Variants in NUSAP1 observed in about 807,000 individuals in gnomAD.
NUSAP1 encodes the protein nucleolar and spindle-associated protein 1.
A neutral mutation model predicts 52.8 loss-of-function variants in NUSAP1; 32 were observed. The ratio of observed to expected loss-of-function variants is 0.61; its 90% CI spans 0.46 to 0.81. NUSAP1 has a LOEUF of 0.81. NUSAP1 is among the 40% of genes least tolerant of loss of function. The probability of loss-of-function intolerance (pLI) is 0.00; values close to 1 mark genes in which losing one functional copy is unlikely to be tolerated. For missense variants in NUSAP1, 499 were observed against 522.3 expected (o/e 0.96, Z 0.43); for synonymous variants, 195 against 183.1 (o/e 1.06, Z -0.52).
chr15:41,354,670 G>GATATAT (rs10541882), intron 4 of NUSAP1, among the ~76,000 whole-genome samples: 2,770 of 146,050 alleles, frequency 0.019, 39 homozygotes, highest in Middle Eastern at 0.051. Flanking sequence ...TGTTTTAACC[G>GATATAT]ATATATATAT....
At chr15:41,358,319 A>G in intron 6 of NUSAP1, 61 bp downstream of exon 6, 3 of 775,390 alleles carry the variant, frequency 3.9e-6, no homozygotes, top group Non-Finnish European at 6.5e-6. Context: ...TTTTGAAACT[A>G]TATAACACCG....
intron 10 of NUSAP1, among the ~76,000 whole-genome samples, chr15:41,378,692 C>A (rs1203383370): frequency 6.6e-6 from 1 of 151,994 alleles, no homozygotes; most frequent in Non-Finnish European, 1.5e-5. Flanking sequence ...ATCACTTGAA[C>A]CCGGGAGGCG....
chr15:41,338,286 T>A (rs1467359497), intron 1 of NUSAP1, among the ~76,000 whole-genome samples: 2 of 151,984 alleles, frequency 1.3e-5, no homozygotes, highest in South Asian at 4.1e-4. Context: ...CAAACCCACA[T>A]CTCCAGTAGG....
rs1309743385 is a variant in NUSAP1 at position 41,349,214 on chromosome 15, G to C, written c.279G>C (p.Lys93Asn). The change falls in exon 3 of 11, where the codon AAG becomes AAC. Residue 93 changes from lysine (K) to asparagine (N), a missense_variant. Physicochemically the swap from Lys to Asn is moderately conservative, Grantham distance 94. Coordinates refer to ENST00000559596, the MANE Select transcript of NUSAP1 (RefSeq NM_016359.5). ...GHVTKTRRRC[K>N]TVRVDPDSQQ... ...TCACCAAAACAAGGAGAAGGTGCAA[G>C]ACTGTCCGTGTGGACCCTGACTCAC... 1 of 1,613,824 alleles carries C rather than the reference G, an allele frequency of 6.2e-7. No individual in the cohort carries two copies. Among genetic ancestry groups the C allele is most frequent in the Admixed American group, 1.7e-5 (1 of 59,992 alleles).
intron 1 of NUSAP1, among the ~76,000 whole-genome samples, chr15:41,337,636 A>T (rs1468609480): frequency 1.3e-5 from 2 of 152,128 alleles, no homozygotes; most frequent in Non-Finnish European, 2.9e-5. Flanking sequence ...TTGCTTTATT[A>T]AGGTCGCCAT....
chr15:41,370,990 T>G (rs918415491), intron 7 of NUSAP1, among the ~76,000 whole-genome samples: 35 of 152,196 alleles, frequency 2.3e-4, no homozygotes, highest in Non-Finnish European at 5.0e-4. Flanking sequence ...ATTTCAGAGA[T>G]GTTAAAATGT....
chr15:41,371,020 A>T (rs1211598042), intron 7 of NUSAP1, among the ~76,000 whole-genome samples: 1 of 152,238 alleles, frequency 6.6e-6, no homozygotes, highest in African/African-American at 2.4e-5. Context: ...ACTATCAGTC[A>T]ATCAATCAAA....
At chr15:41,371,237 G>A (rs2049675103) in intron 7 of NUSAP1, among the ~76,000 whole-genome samples, 1 of 152,126 alleles carries the variant, frequency 6.6e-6, no homozygotes, top group Non-Finnish European at 1.5e-5. Flanking sequence ...TTGCCTCTTG[G>A]ACTATAATGA....
chr15:41,353,566 G>A (rs896485446), intron 4 of NUSAP1, among the ~76,000 whole-genome samples: 1 of 152,108 alleles, frequency 6.6e-6, no homozygotes, highest in African/African-American at 2.4e-5. Context: ...ATACATTGGG[G>A]AAACTTAAGG....
intron 1 of NUSAP1, among the ~76,000 whole-genome samples, chr15:41,341,507 C>T (rs1380063506): frequency 1.3e-5 from 2 of 152,154 alleles, no homozygotes; most frequent in East Asian, 1.9e-4. Flanking sequence ...AACCATCCCC[C>T]TAAGACCCCG....
chr15:41,338,046 C>T (rs1395759129), intron 1 of NUSAP1, among the ~76,000 whole-genome samples: 3 of 150,910 alleles, frequency 2.0e-5, no homozygotes, highest in Admixed American at 6.6e-5. Context: ...GATTCTCCTG[C>T]CTCAGCCACC....
In NUSAP1 at chr15:41,376,755, G is replaced by T. The variant is rs968615150; in HGVS notation, c.1124-441G>T. Among the ~76,000 whole-genome samples the T allele has an allele frequency of 3.3e-5, 5 of 150,556 alleles. No homozygotes were observed. The East Asian group carries it at 9.8e-4, about 30-fold the overall frequency. ...AAAAAAAGCAACACATAAACTTCAA[G>T]AAATTTGGTCCCAGTTCTTTTTGTA... On this transcript the variant is annotated intron_variant, in intron 9 of 10. Coordinates refer to ENST00000559596, the MANE Select transcript of NUSAP1 (RefSeq NM_016359.5).
chr15:41,349,341 T>G, intron 3 of NUSAP1, 100 bp downstream of exon 3: 1 of 1,219,510 alleles, frequency 8.2e-7, no homozygotes, highest in Non-Finnish European at 1.2e-6. Flanking sequence ...GTCATGTGTT[T>G]GTAAGGTTAC....
rs1177514558 is a variant in NUSAP1, at chr15:41,349,338, G to A, written c.306+97G>A. Reference sequence around the variant, plus strand: ...TTTAAATTCCCATGTGATGTCATGTGTTTGTAAGGTTACTGTGTGCTGTAA... The same window carrying A: ...TTTAAATTCCCATGTGATGTCATGTATTTGTAAGGTTACTGTGTGCTGTAA... On this transcript the variant is annotated intron_variant, in intron 3 of 10. Transcript: ENST00000559596. The A allele has an allele frequency of 4.9e-6, 6 of 1,218,502 alleles. No homozygotes were observed. The East Asian group carries it at 1.5e-4, about 30-fold the overall frequency. The allele number at this position is 1,218,502 out of a possible 1,614,324, so 75.5% of individuals were successfully genotyped here. A position where few individuals can be genotyped will look rare whatever the true frequency, so the allele number is the denominator to read the frequency against.
At position 41,349,253 on chromosome 15, in the gene NUSAP1, T is replaced by C; in HGVS notation, c.306+12T>C. On this transcript the variant is annotated intron_variant, in intron 3 of 10. Transcript: ENST00000559596. ...ACCCTGACTCACAGGTGAATGGAAA[T>C]ATACAAACTGAAAATAAACCACCTA... The C allele has an allele frequency of 6.2e-7, 1 of 1,602,052 alleles. No homozygotes were observed. The highest frequency in any genetic ancestry group is 8.5e-7 in the Non-Finnish European group (1 of 1,174,916).
At chr15:41,345,086 A>T (rs1371636483) in intron 2 of NUSAP1, among the ~76,000 whole-genome samples, 4 of 151,686 alleles carry the variant, frequency 2.6e-5, no homozygotes, top group African/African-American at 7.3e-5. Flanking sequence ...TGCAGCCTGG[A>T]CCCCCCAGGC....
At chr15:41,338,222 A>G (rs2140515322) in intron 1 of NUSAP1, among the ~76,000 whole-genome samples, 1 of 152,200 alleles carries the variant, frequency 6.6e-6, no homozygotes, top group African/African-American at 2.4e-5. Context: ...GGCATGAGCC[A>G]CTGCGTCCGG....
intron 1 of NUSAP1, among the ~76,000 whole-genome samples, chr15:41,336,999 C>CTT (rs201223527): frequency 7.5e-3 from 491 of 65,738 alleles, no homozygotes; most frequent in Middle Eastern, 0.019. Flanking sequence ...CTTTCCTTTT[C>CTT]TTTTTTTTTT....
At chr15:41,337,935 T>C (rs924042585) in intron 1 of NUSAP1, among the ~76,000 whole-genome samples, 5 of 140,898 alleles carry the variant, frequency 3.5e-5, no homozygotes, top group South Asian at 2.3e-4. Context: ...TTTTTTCTTT[T>C]TTTTTTTTTT....
Sources: allele counts gnomAD v4.1 joint callset (sites outside exome capture counted in the v4.1 genomes callset), GRCh38; gene constraint gnomAD v4.1.1; transcripts MANE v1.5; gene names NCBI Gene and HGNC (gene_info 2026-07-23, HGNC 2026-07-21).